ADGRB3: variants seen among roughly 807,000 people sequenced by gnomAD.
ADGRB3 encodes the protein adhesion G protein-coupled receptor B3, also known as brain-specific angiogenesis inhibitor 3.
In ADGRB3, 37 loss-of-function variants were observed where a neutral mutation model predicts 193.4. The observed-to-expected ratio is 0.19, with a 90% CI of 0.15 to 0.25. The LOEUF (loss-of-function observed/expected upper bound fraction) is 0.25. Ranked by LOEUF, ADGRB3 falls within the 10% of genes least tolerant of loss-of-function variation. The probability of loss-of-function intolerance (pLI) is 1.00; values close to 1 mark genes in which losing one functional copy is unlikely to be tolerated. For missense variants in ADGRB3, 1,637 were observed against 1,852.9 expected (o/e 0.88, Z 2.14); for synonymous variants, 690 against 644.2 (o/e 1.07, Z -1.08).
At chr6:69,212,452 C>T in intron 17 of ADGRB3, among the ~76,000 whole-genome samples, 1 of 151,884 alleles carries the variant, frequency 6.6e-6, no homozygotes, top group East Asian at 1.9e-4. Context: ...CTAAATTACA[C>T]AATTTTCAAA....
chr6:69,049,143 T>C, intron 14 of ADGRB3, 128 bp from the exon 15 acceptor site: 1 of 658,206 alleles, frequency 1.5e-6, no homozygotes, highest in Non-Finnish European at 2.5e-6. Flanking sequence ...AGGAATGCAT[T>C]TCTTTTTACC....
intron 13 of ADGRB3, among the ~76,000 whole-genome samples, chr6:69,042,712 T>C (rs1023123244): frequency 2.0e-5 from 3 of 152,216 alleles, no homozygotes; most frequent in Admixed American, 6.5e-5. Context: ...TCTAGTGATA[T>C]TGAGTCATGT....
chr6:69,385,274 T>C (rs905365666), intron 31 of ADGRB3, among the ~76,000 whole-genome samples: 5 of 151,770 alleles, frequency 3.3e-5, no homozygotes, highest in Non-Finnish European at 7.4e-5. Context: ...ACCTAAATAT[T>C]GGTAGGTTGA....
chr6:68,984,397 G>C (rs1302462318), intron 10 of ADGRB3, among the ~76,000 whole-genome samples: 4 of 152,082 alleles, frequency 2.6e-5, no homozygotes, highest in Non-Finnish European at 5.9e-5. Context: ...GTTGTCAAAG[G>C]TTGTTTCTAT....
chr6:68,740,973 A>T (rs2024561), intron 3 of ADGRB3, among the ~76,000 whole-genome samples: 40,954 of 152,036 alleles, frequency 0.27, 6,185 homozygotes, highest in Middle Eastern at 0.34. Context: ...GCATACAGTG[A>T]TATATGTTTT....
intron 29 of ADGRB3, among the ~76,000 whole-genome samples, chr6:69,363,093 C>T (rs1330216999): frequency 6.6e-6 from 1 of 151,930 alleles, no homozygotes; most frequent in Non-Finnish European, 1.5e-5. Flanking sequence ...TGATATTGTA[C>T]AGGTTATCTG....
intron 3 of ADGRB3, among the ~76,000 whole-genome samples, chr6:68,728,722 A>G (rs909240436): frequency 1.3e-5 from 2 of 151,628 alleles, no homozygotes; most frequent in Admixed American, 6.6e-5. Context: ...GAAGAAATCA[A>G]TAAACACAAA....
At chr6:69,239,835 G>GT (rs371950908) in intron 20 of ADGRB3, among the ~76,000 whole-genome samples, 1 of 152,026 alleles carries the variant, frequency 6.6e-6, no homozygotes, top group South Asian at 2.1e-4. Context: ...GAATGACCAT[G>GT]TTTTTTCCCC....
intron 3 of ADGRB3, among the ~76,000 whole-genome samples, chr6:68,768,667 C>A (rs537962960): frequency 6.6e-6 from 1 of 152,208 alleles, no homozygotes; most frequent in South Asian, 2.1e-4. Flanking sequence ...AAAGCAATGG[C>A]AACAAAAGCC....
chr6:69,333,706 T>C lies in ADGRB3; in HGVS notation c.3188+698T>C, dbSNP rs188323302. 3.3e-5 allele frequency among the ~76,000 whole-genome samples: 5 copies of C among 150,818 alleles called. No individual in the cohort carries two copies. In the East Asian group the frequency reaches 9.7e-4, roughly 29 times the overall value. Reference sequence around the variant, plus strand: ...GGCTGACACCTGTAATCCCAGCACTTTGGGAGGCTGAGGTGGGCAGATCAC... The same window carrying C: ...GGCTGACACCTGTAATCCCAGCACTCTGGGAGGCTGAGGTGGGCAGATCAC... On this transcript the variant is annotated intron_variant, in intron 24 of 31. Coordinates refer to ENST00000370598, the MANE Select transcript of ADGRB3 (RefSeq NM_001704.3).
intron 3 of ADGRB3, among the ~76,000 whole-genome samples, chr6:68,781,755 GA>G (rs1766857897): frequency 6.6e-6 from 1 of 152,034 alleles, no homozygotes; most frequent in Non-Finnish European, 1.5e-5. Context: ...GGGACAAAGA[GA>G]AAAGTGGGGC....
rs186314010 is a variant in ADGRB3, at chr6:69,375,824, T to A, written c.4275+3383T>A. On this transcript the variant is annotated intron_variant, in intron 30 of 31. Transcript: ENST00000370598. ...TGGGCATGGCAGTGCATACCTGTAA[T>A]CCCGGCTACTTGGGAGGCTGGGGCG... Among the ~76,000 whole-genome samples the A allele has an allele frequency of 3.8e-3, 575 of 152,110 alleles. 2 individuals are homozygous for A. The highest frequency in any genetic ancestry group is 0.013 in the African/African-American group (542 of 41,520).
intron 3 of ADGRB3, among the ~76,000 whole-genome samples, chr6:68,872,155 C>T (rs1441109922): frequency 6.6e-6 from 1 of 152,092 alleles, no homozygotes; most frequent in Non-Finnish European, 1.5e-5. Context: ...TACCATAATT[C>T]CAAATATTGT....
At chr6:68,650,808 C>G (rs1768346688) in intron 3 of ADGRB3, among the ~76,000 whole-genome samples, 1 of 151,782 alleles carries the variant, frequency 6.6e-6, no homozygotes, top group African/African-American at 2.4e-5. Context: ...TGTTGCTTTT[C>G]ACATCAAGAA....
intron 3 of ADGRB3, among the ~76,000 whole-genome samples, chr6:68,720,010 C>A (rs978736934): frequency 1.3e-5 from 2 of 151,636 alleles, no homozygotes; most frequent in Non-Finnish European, 3.0e-5. Flanking sequence ...AGGTAATTAC[C>A]ATTGTTCCAC....
chr6:68,971,383 C>A (rs757526168), intron 8 of ADGRB3, among the ~76,000 whole-genome samples: 2 of 152,166 alleles, frequency 1.3e-5, no homozygotes, highest in Admixed American at 6.5e-5. Flanking sequence ...GCCTGCAGAC[C>A]ACCCTGCAGA....
intron 3 of ADGRB3, among the ~76,000 whole-genome samples, chr6:68,906,928 C>G (rs1766564550): frequency 6.6e-6 from 1 of 151,988 alleles, no homozygotes; most frequent in African/African-American, 2.4e-5. Flanking sequence ...TCTGTACTGT[C>G]TCTTCACATT....
At chr6:69,221,848 A>G (rs1402330415) in intron 17 of ADGRB3, among the ~76,000 whole-genome samples, 1 of 152,140 alleles carries the variant, frequency 6.6e-6, no homozygotes, top group East Asian at 1.9e-4. Context: ...GCCAGAATAT[A>G]TGAATTCTTC....
chr6:68,913,110 G>C (rs1582309491), intron 3 of ADGRB3, among the ~76,000 whole-genome samples: 1 of 152,206 alleles, frequency 6.6e-6, no homozygotes, highest in East Asian at 1.9e-4. Context: ...TCCACCTCTG[G>C]GGGCAGGGCA....
Sources: allele counts gnomAD v4.1 joint callset (sites outside exome capture counted in the v4.1 genomes callset), GRCh38; gene constraint gnomAD v4.1.1; transcripts MANE v1.5; gene names NCBI Gene and HGNC (gene_info 2026-07-23, HGNC 2026-07-21).